The following CFAP47 variants were observed in gnomAD, a reference collection of about 807,000 sequenced individuals.
CFAP47 encodes cilia and flagella associated protein 47.
Under a neutral mutation model 148.1 loss-of-function variants are expected in CFAP47, and 29 were observed. The observed-to-expected ratio is 0.20, with a 90% CI of 0.15 to 0.27. CFAP47 has a LOEUF of 0.27. CFAP47 is among the 10% of genes least tolerant of loss of function. The probability of loss-of-function intolerance (pLI) is 1.00; values close to 1 mark genes in which losing one functional copy is unlikely to be tolerated. For missense variants in CFAP47, 1,872 were observed against 1,697.5 expected (o/e 1.10, Z -1.81); for synonymous variants, 664 against 577.3 (o/e 1.15, Z -2.15).
chrX:36,104,592 T>C lies in CFAP47; in HGVS notation c.5221T>C (p.Ser1741Pro). The change falls in exon 33 of 64, where the codon TCC becomes CCC. Residue 1741 changes from serine (S) to proline (P), a missense_variant. Coordinates refer to ENST00000378653, the MANE Select transcript of CFAP47 (RefSeq NM_001304548.2). ...NTPKVNPCFA[S>P]SNIYSDSERI... ...ACCAAAAGTCAATCCTTGTTTTGCA[T>C]CCAGCAACATATATTCTGATTCTGA... is the stretch of plus-strand genomic sequence containing the variant. 2 of 939,387 alleles carry C rather than the reference T, an allele frequency of 2.1e-6. No individual in the cohort carries two copies. Among genetic ancestry groups the C allele is most frequent in the Middle Eastern group, 5.3e-4 (2 of 3,748 alleles). The allele number at this position is 939,387 out of a possible 1,213,427, so 77.4% of individuals were successfully genotyped here.
chrX:35,948,231 A>T (rs1936112233), intron 3 of CFAP47, 83 bp from the exon 4 acceptor site: 3 of 890,203 alleles, frequency 3.4e-6, no homozygotes, highest in African/African-American at 3.9e-5. Flanking sequence ...TCTACTGGGT[A>T]AAGTATGTTG....
chrX:36,223,453 A>T, intron 45 of CFAP47, among the ~76,000 whole-genome samples: 1 of 110,883 alleles, frequency 9.0e-6, no homozygotes. Flanking sequence ...AATAAATATA[A>T]TTATTCATTC....
intron 1 of CFAP47, among the ~76,000 whole-genome samples, chrX:35,921,190 G>C (rs5973543): frequency 0.043 from 4,853 of 111,838 alleles, 272 homozygotes; most frequent in African/African-American, 0.15. Flanking sequence ...ACAGTACCTG[G>C]AGTAATCACC....
intron 33 of CFAP47, among the ~76,000 whole-genome samples, chrX:36,123,565 C>A (rs1443653486): frequency 9.0e-6 from 1 of 111,699 alleles, no homozygotes; most frequent in East Asian, 2.8e-4. Flanking sequence ...CCTGTGGCCA[C>A]AACCACCACA....
intron 37 of CFAP47, among the ~76,000 whole-genome samples, chrX:36,153,574 T>C (rs1280552780): frequency 8.9e-6 from 1 of 112,556 alleles, no homozygotes; most frequent in Admixed American, 9.4e-5. Context: ...CTACTGGGCA[T>C]TGCTTTAGTG....
chrX:35,925,552 C>G (rs1436222778), intron 1 of CFAP47, among the ~76,000 whole-genome samples: 1 of 111,576 alleles, frequency 9.0e-6, no homozygotes, highest in Non-Finnish European at 1.9e-5. Flanking sequence ...AATTATTTGT[C>G]AATTAAAAAT....
Position 36,299,155 on chromosome X carries a change from A to G in CFAP47, c.7862+3A>G. Reference sequence around the variant, plus strand: ...ACTACAGGCTACAGCGATGAAAGGTATGGTTTGAGTGTGGCATTATATTTC... The same window carrying G: ...ACTACAGGCTACAGCGATGAAAGGTGTGGTTTGAGTGTGGCATTATATTTC... On this transcript the variant is annotated splice_donor_region_variant and intron_variant, in intron 52 of 63. Transcript: ENST00000378653. 2 of 1,010,581 alleles carry G rather than the reference A, an allele frequency of 2.0e-6. No individual in the cohort carries two copies. The highest frequency in any genetic ancestry group is 3.6e-5 in the East Asian group (1 of 27,703). The allele number at this position is 1,010,581 out of a possible 1,213,427, so 83.3% of individuals were successfully genotyped here.
chrX:36,344,376 G>A (rs1941679936), intron 57 of CFAP47, among the ~76,000 whole-genome samples: 1 of 109,553 alleles, frequency 9.1e-6, no homozygotes, highest in South Asian at 3.9e-4. Context: ...TCTTTTCAAT[G>A]TTAATTTTCA....
intron 33 of CFAP47, among the ~76,000 whole-genome samples, chrX:36,130,872 A>G (rs1569268261): frequency 9.0e-6 from 1 of 111,340 alleles, no homozygotes; most frequent in Non-Finnish European, 1.9e-5. Context: ...GAATCTAAAT[A>G]TCAGAACAAC....
intron 15 of CFAP47, among the ~76,000 whole-genome samples, chrX:35,979,247 G>A (rs1936610244): frequency 9.0e-6 from 1 of 111,188 alleles, no homozygotes; most frequent in Non-Finnish European, 1.9e-5. Context: ...TCAAAGTGCT[G>A]GGATTACAGG....
intron 49 of CFAP47, among the ~76,000 whole-genome samples, chrX:36,265,512 G>T (rs782551704): frequency 2.7e-5 from 3 of 111,702 alleles, no homozygotes; most frequent in Non-Finnish European, 5.6e-5. Context: ...TCCAGCTCTT[G>T]CCCATTCAGT....
chrX:36,154,305 C>T (rs1384330191), intron 37 of CFAP47, among the ~76,000 whole-genome samples: 1 of 112,129 alleles, frequency 8.9e-6, no homozygotes, highest in African/African-American at 3.2e-5. Flanking sequence ...TAATCACTCA[C>T]AAGTTCTACC....
chrX:35,938,695 T>C (rs1235265657), intron 2 of CFAP47, among the ~76,000 whole-genome samples: 1 of 111,680 alleles, frequency 9.0e-6, no homozygotes, highest in Non-Finnish European at 1.9e-5. Context: ...AATGAGTAGA[T>C]TGGAATGAAA....
chrX:36,326,844 A>G (rs1430474535), intron 57 of CFAP47, among the ~76,000 whole-genome samples: 1 of 111,311 alleles, frequency 9.0e-6, no homozygotes, highest in East Asian at 2.8e-4. Flanking sequence ...CAGCCTGACA[A>G]TGCAACTGGG....
intron 51 of CFAP47, 83 bp downstream of exon 51, chrX:36,285,809 C>CAA: frequency 1.4e-6 from 1 of 703,089 alleles, no homozygotes; most frequent in Non-Finnish European, 2.1e-6. Context: ...ATTTACTATC[C>CAA]CTTAAAAGGT....
chrX:36,371,583 A>G (rs57944476), intron 62 of CFAP47, among the ~76,000 whole-genome samples: 1,596 of 82,709 alleles, frequency 0.019, 45 homozygotes, highest in African/African-American at 0.053. Flanking sequence ...GTGTATATAT[A>G]TGTGTATACA....
At chrX:36,218,317 A>T (rs6629055) in intron 45 of CFAP47, among the ~76,000 whole-genome samples, 29,747 of 111,096 alleles carry the variant, frequency 0.27, 4,598 homozygotes, top group African/African-American at 0.58. Flanking sequence ...CTTAGAAAAT[A>T]ATAGAAAACT....
intron 40 of CFAP47, among the ~76,000 whole-genome samples, chrX:36,183,828 G>A (rs7050713): frequency 4.8e-3 from 532 of 111,599 alleles, no homozygotes; most frequent in African/African-American, 0.016. Flanking sequence ...GTAGACAACT[G>A]ATTTTAGCCA....
At chrX:35,957,130 AC>A (rs1327842656) in intron 8 of CFAP47, among the ~76,000 whole-genome samples, 2 of 102,733 alleles carry the variant, frequency 1.9e-5, no homozygotes, top group Non-Finnish European at 3.9e-5. Context: ...AATCGCTTGA[AC>A]CCAGGAGGCA....
Sources: allele counts gnomAD v4.1 joint callset (sites outside exome capture counted in the v4.1 genomes callset), GRCh38; gene constraint gnomAD v4.1.1; transcripts MANE v1.5; gene names NCBI Gene and HGNC (gene_info 2026-07-23, HGNC 2026-07-21).